The following PGBD5 variants were observed in gnomAD, a reference collection of about 807,000 sequenced individuals.
PGBD5 encodes piggyBac transposable element derived 5.
Under a neutral mutation model 47.9 loss-of-function variants are expected in PGBD5, and 14 were observed. That is an observed-to-expected ratio of 0.29 (90% confidence interval 0.19 to 0.46). The LOEUF is 0.46. PGBD5 is among the 20% of genes least tolerant of loss of function. The pLI is 1.00. For missense variants in PGBD5, 635 were observed against 716.0 expected, an observed-to-expected ratio of 0.89 and a Z score of 1.29; for synonymous variants, 316 against 306.3, an observed-to-expected ratio of 1.03 and a Z score of -0.33.
intron 1 of PGBD5, chr1:230,367,881 G>C (rs1667863798): frequency 3.1e-6 from 4 of 1,303,896 alleles, no homozygotes; most frequent in African/African-American, 1.5e-5. Flanking sequence ...AGGGCTACCA[G>C]ACTCCCGCTC....
Position 230,425,604 on chromosome 1 carries a change from T to A in PGBD5, c.325A>T (p.Thr109Ser). ...RDRPPPRFEDTGGPTRKMPPS... is the reference protein window; with the variant it reads ...RDRPPPRFEDSGGPTRKMPPS... ...CCCGCGGGCAGCCCCTTACCGCCGG[T>A]ATCCTCGAAGCGCGGGGGCGGGCGG... Residue 109 changes from threonine to serine, a missense_variant, in exon 1 of 7, where the codon ACC becomes TCC. Thr to Ser is a moderately conservative substitution (Grantham distance 58). Transcript: ENST00000391860. The surrounding 1 kb of genome is among the most constrained non-coding windows in gnomAD (Gnocchi z 4.7). The A allele has an allele frequency of 8.2e-7, 1 of 1,217,662 alleles. No individual in the cohort carries two copies. The highest frequency in any genetic ancestry group is 3.3e-5 in the East Asian group (1 of 30,444). The allele number at this position is 1,217,662 out of a possible 1,614,324, so 75.4% of individuals were successfully genotyped here. A position where few individuals can be genotyped will look rare whatever the true frequency, so the allele number is the denominator to read the frequency against.
At chr1:230,360,174 C>T (rs1052424713) in intron 1 of PGBD5, among the ~76,000 whole-genome samples, 1 of 152,148 alleles carries the variant, frequency 6.6e-6, no homozygotes, top group Non-Finnish European at 1.5e-5. Context: ...AGTAATTTTG[C>T]CCCCCAGGCC....
intron 1 of PGBD5, among the ~76,000 whole-genome samples, chr1:230,396,284 T>C (rs148705932): frequency 0.017 from 814 of 47,088 alleles, 15 homozygotes; most frequent in Non-Finnish European, 0.026. Flanking sequence ...CCCCACACTC[T>C]TCCCTTTTAC....
chr1:230,373,459 A>C (rs539577148), intron 1 of PGBD5, among the ~76,000 whole-genome samples: 40 of 152,266 alleles, frequency 2.6e-4, no homozygotes, highest in African/African-American at 8.7e-4. Context: ...CGAGGGTGCC[A>C]AGGGCCATGG....
chr1:230,399,577 A>G (rs1159651833), intron 1 of PGBD5, among the ~76,000 whole-genome samples: 2 of 152,174 alleles, frequency 1.3e-5, no homozygotes, highest in Non-Finnish European at 2.9e-5. Flanking sequence ...GCCATCATGG[A>G]CCACGTAGAG....
intron 1 of PGBD5, among the ~76,000 whole-genome samples, chr1:230,359,310 C>T (rs908293933): frequency 3.9e-5 from 6 of 152,134 alleles, no homozygotes; most frequent in South Asian, 4.1e-4. Flanking sequence ...GAGATTGGCC[C>T]GCCTTGGCCT....
intron 1 of PGBD5, among the ~76,000 whole-genome samples, chr1:230,360,190 A>C (rs1011143235): frequency 2.0e-5 from 3 of 152,220 alleles, no homozygotes; most frequent in African/African-American, 7.2e-5. Flanking sequence ...AGGCCATTTC[A>C]AAATGAATTC....
intron 1 of PGBD5, chr1:230,362,228 G>A (rs764265979): frequency 6.7e-6 from 9 of 1,351,420 alleles, no homozygotes; most frequent in Non-Finnish European, 3.9e-6. Flanking sequence ...CCCCAAATCA[G>A]GTGAGACCTG....
At chr1:230,390,939 C>G (rs1308288799) in intron 1 of PGBD5, among the ~76,000 whole-genome samples, 5 of 152,114 alleles carry the variant, frequency 3.3e-5, no homozygotes, top group Non-Finnish European at 5.9e-5. Flanking sequence ...AGGGTTTCAT[C>G]ATGTTGGTCA....
At chr1:230,340,052 C>T (rs1445599345) in intron 3 of PGBD5, among the ~76,000 whole-genome samples, 1 of 152,022 alleles carries the variant, frequency 6.6e-6, no homozygotes, top group Non-Finnish European at 1.5e-5. Flanking sequence ...TCGATTTGGC[C>T]ATTTCAGTGT....
intron 1 of PGBD5, among the ~76,000 whole-genome samples, chr1:230,381,472 C>T (rs753482478): frequency 7.2e-5 from 11 of 152,248 alleles, no homozygotes; most frequent in African/African-American, 1.2e-4. Flanking sequence ...GGATGTCTCA[C>T]GCTGCAGTGG....
rs892291523 is a variant in PGBD5 at position 230,420,670 on chromosome 1, T to C, written c.331+4928A>G. ...TCCATGTAAGATGTGACTTGCTCCT[T>C]CTTGCCTTCCACCATGATTGTGAGG... is the stretch of plus-strand genomic sequence containing the variant. On this transcript the variant is annotated intron_variant, in intron 1 of 6. Transcript: ENST00000391860. Among the ~76,000 whole-genome samples the C allele has an allele frequency of 5.9e-5, 9 of 152,226 alleles. No homozygotes were observed. The East Asian group carries it at 9.6e-4, about 16-fold the overall frequency.
intron 1 of PGBD5, among the ~76,000 whole-genome samples, chr1:230,384,836 T>A (rs1276292215): frequency 6.6e-6 from 1 of 152,174 alleles, no homozygotes; most frequent in Non-Finnish European, 1.5e-5. Context: ...CTTTTAGTAG[T>A]GCTTAACCCA....
At chr1:230,341,076 G>A (rs1324625863) in intron 3 of PGBD5, among the ~76,000 whole-genome samples, 1 of 152,210 alleles carries the variant, frequency 6.6e-6, no homozygotes, top group African/African-American at 2.4e-5. Flanking sequence ...CAGCCAAGAA[G>A]TGGCACCAAT....
chr1:230,335,758 T>TGCAC (rs1246086188), intron 4 of PGBD5, among the ~76,000 whole-genome samples: 25 of 384 alleles, frequency 0.065, no homozygotes, highest in Admixed American at 0.12. Flanking sequence ...CACACACAGA[T>TGCAC]ACACAGATAC....
chr1:230,416,881 C>G (rs1424132061), intron 1 of PGBD5, among the ~76,000 whole-genome samples: 1 of 152,140 alleles, frequency 6.6e-6, no homozygotes, highest in Non-Finnish European at 1.5e-5. Flanking sequence ...GAAACCGGGG[C>G]AGGGGCAGTC....
Position 230,357,029 on chromosome 1 carries a change from G to A in PGBD5, c.624C>T (p.Phe208=), listed in dbSNP as rs139672488. The part of the protein sequence containing the change: ...SLALVMSQAR[F]EKILKYFHVV... ...CGTGGAAGTACTTGAGGATCTTCTC[G>A]AAGCGGGCCTGGCTCATGACGAGGG... is the stretch of plus-strand genomic sequence containing the variant. Residue 208 remains phenylalanine, a synonymous_variant, in exon 2 of 7, where the codon TTC becomes TTT. Transcript: ENST00000391860. This position sits in a 1 kb window ranked among gnomAD's most constrained non-coding sequence, Gnocchi z 5.7. 6.8e-6 allele frequency: 11 copies of A among 1,614,048 alleles called. No homozygotes were observed. The highest frequency in any genetic ancestry group is 2.2e-5 in the South Asian group (2 of 91,074).
At position 230,378,131 on chromosome 1, in the gene PGBD5, T is replaced by C. The variant is rs76458382; in HGVS notation, c.332-20810A>G. 2.0e-4 allele frequency among the ~76,000 whole-genome samples: 31 copies of C among 152,374 alleles called. No homozygotes were observed. The East Asian group carries it at 6.0e-3, about 29-fold the overall frequency. ...AGAGCAGCAGAAGTTATTCTGGGAA[T>C]GTTCATGTTCCTCCTGGTGGTGATG... On this transcript the variant is annotated intron_variant, in intron 1 of 6. Transcript: ENST00000391860.
intron 3 of PGBD5, among the ~76,000 whole-genome samples, chr1:230,347,417 C>T (rs1200009249): frequency 1.3e-5 from 2 of 152,022 alleles, no homozygotes; most frequent in African/African-American, 4.8e-5. Context: ...AGCCCAAAGG[C>T]CTTCTGCTGG....
Sources: allele counts gnomAD v4.1 joint callset (sites outside exome capture counted in the v4.1 genomes callset), GRCh38; gene constraint gnomAD v4.1.1; non-coding constraint Gnocchi (gnomAD v3.1); transcripts MANE v1.5; gene names NCBI Gene and HGNC (gene_info 2026-07-23, HGNC 2026-07-21).